COL25A1: variants seen among roughly 807,000 people sequenced by gnomAD.
COL25A1 encodes the protein collagen alpha-1(XXV) chain.
COL25A1 carries 103 observed loss-of-function variants against 128.4 expected under a neutral mutation model. The ratio of observed to expected loss-of-function variants is 0.80; its 90% CI spans 0.68 to 0.94. COL25A1 has a LOEUF of 0.94. COL25A1 is among the 40% of genes least tolerant of loss of function. The pLI is 0.00. For synonymous variants in COL25A1, 279 were observed against 277.2 expected, an observed-to-expected ratio of 1.01 and a Z score of -0.06; for missense variants, 745 against 840.0, an observed-to-expected ratio of 0.89 and a Z score of 1.40.
intron 3 of COL25A1, among the ~76,000 whole-genome samples, chr4:109,127,805 C>T (rs779230231): frequency 1.6e-4 from 24 of 152,138 alleles, no homozygotes; most frequent in Non-Finnish European, 3.1e-4. Context: ...CAGACAAGGA[C>T]GCTGCTTTGC....
rs781317660 is a variant in COL25A1 at position 108,846,195 on chromosome 4, T to C, written c.1459A>G (p.Met487Val). The change falls in exon 28 of 38, where the codon ATG (methionine) becomes GTG (valine). Residue 487 changes from methionine to valine, a missense_variant. Met to Val is a conservative substitution (Grantham distance 21). Coordinates refer to ENST00000399132, the MANE Select transcript of COL25A1 (RefSeq NM_198721.4). ...EQGLKGSKGDMGDPGMTGEKG... is the reference protein window; with the variant it reads ...EQGLKGSKGDVGDPGMTGEKG... ...TCACCTGTCATACCTGGGTCCCCCA[T>C]GTCTCCCTTTGAGCCTTTGAGTCCC... 2 of 1,612,668 alleles carry C rather than the reference T, an allele frequency of 1.2e-6. No homozygotes were observed. Among genetic ancestry groups the C allele is most frequent in the Non-Finnish European group, 1.7e-6 (2 of 1,178,802 alleles).
chr4:109,081,008 G>A (rs942838518), intron 3 of COL25A1, among the ~76,000 whole-genome samples: 4 of 152,156 alleles, frequency 2.6e-5, no homozygotes, highest in Admixed American at 2.6e-4. Context: ...AAGTTTCAGA[G>A]AATAAATAAC....
chr4:109,109,085 T>C (rs1377054245), intron 3 of COL25A1, among the ~76,000 whole-genome samples: 1 of 146,648 alleles, frequency 6.8e-6, no homozygotes, highest in Admixed American at 6.8e-5. Flanking sequence ...AATAAACTCA[T>C]CTTTTTTTCC....
At chr4:109,290,049 G>A (rs922561518) in intron 3 of COL25A1, among the ~76,000 whole-genome samples, 1 of 152,016 alleles carries the variant, frequency 6.6e-6, no homozygotes, top group African/African-American at 2.4e-5. Flanking sequence ...CATATATACA[G>A]GGGATACATG....
chr4:108,946,567 C>T (rs1748782606), intron 8 of COL25A1, among the ~76,000 whole-genome samples: 1 of 152,218 alleles, frequency 6.6e-6, no homozygotes. Context: ...TTCTGTGCAA[C>T]ATTTACTATG....
chr4:108,986,373 T>A (rs1165530062), intron 6 of COL25A1, among the ~76,000 whole-genome samples: 2 of 152,212 alleles, frequency 1.3e-5, no homozygotes, highest in African/African-American at 4.8e-5. Context: ...TACCTTGACC[T>A]CCTGATCAAC....
At position 108,812,311 on chromosome 4, in the gene COL25A1, C is replaced by T. The variant is rs1730859003; in HGVS notation, c.*1616G>A. ...AGAAATGTTAAAAAGAGAAAGAAAT[C>T]TAAATATAGACAAAACTTAAAACCA... On this transcript the variant is annotated 3_prime_UTR_variant, in exon 38 of 38. Coordinates refer to ENST00000399132, the MANE Select transcript of COL25A1 (RefSeq NM_198721.4). 7 of 152,094 alleles carry T rather than the reference C, an allele frequency of 4.6e-5. No individual in the cohort carries two copies. The South Asian group carries it at 1.5e-3, about 32-fold the overall frequency. 9.4% of individuals were successfully genotyped at this position (152,094 alleles called of 1,614,324 possible). A position where few individuals can be genotyped will look rare whatever the true frequency, so the allele number is the denominator to read the frequency against.
chr4:108,929,644 C>T (rs1746492708), intron 11 of COL25A1, among the ~76,000 whole-genome samples: 2 of 152,034 alleles, frequency 1.3e-5, no homozygotes, highest in Admixed American at 1.3e-4. Flanking sequence ...GGCAATACAG[C>T]AAGCCTCCAT....
chr4:108,884,701 A>C (rs916328936), intron 18 of COL25A1, among the ~76,000 whole-genome samples: 1 of 152,224 alleles, frequency 6.6e-6, no homozygotes, highest in Non-Finnish European at 1.5e-5. Context: ...TCACTTAAAA[A>C]GTATAGTAAG....
intron 3 of COL25A1, among the ~76,000 whole-genome samples, chr4:109,163,996 A>G (rs1048996464): frequency 1.3e-5 from 2 of 152,172 alleles, no homozygotes; most frequent in Non-Finnish European, 2.9e-5. Context: ...ATATAAATTA[A>G]CGAGTGGTAT....
At chr4:109,167,235 C>T (rs1773155355) in intron 3 of COL25A1, among the ~76,000 whole-genome samples, 1 of 152,092 alleles carries the variant, frequency 6.6e-6, no homozygotes, top group African/African-American at 2.4e-5. Flanking sequence ...ACTCATCTTT[C>T]TCTCTCAAGA....
chr4:109,274,825 T>G (rs898678773), intron 3 of COL25A1, among the ~76,000 whole-genome samples: 1 of 152,198 alleles, frequency 6.6e-6, no homozygotes, highest in Non-Finnish European at 1.5e-5. Context: ...ACAAATTGTC[T>G]AGGAATATTA....
At chr4:109,004,837 A>C (rs1272648184) in intron 6 of COL25A1, among the ~76,000 whole-genome samples, 1 of 152,224 alleles carries the variant, frequency 6.6e-6, no homozygotes, top group African/African-American at 2.4e-5. Flanking sequence ...TTCTGTTTAT[A>C]AATTACCAGT....
intron 8 of COL25A1, 36 bp downstream of exon 8, chr4:108,974,331 T>C: frequency 2.5e-6 from 4 of 1,610,766 alleles, no homozygotes; most frequent in Non-Finnish European, 3.4e-6. Flanking sequence ...AGTTAGAAAC[T>C]AATTTTCCGC....
At chr4:109,269,042 A>C in intron 3 of COL25A1, among the ~76,000 whole-genome samples, 1 of 147,436 alleles carries the variant, frequency 6.8e-6, no homozygotes, top group Non-Finnish European at 1.5e-5. Context: ...CTAACTCGTC[A>C]TCTAGCATTA....
chr4:109,086,120 T>A (rs755269122), intron 3 of COL25A1, among the ~76,000 whole-genome samples: 3 of 152,218 alleles, frequency 2.0e-5, no homozygotes. Context: ...CACATTTTTT[T>A]AGAAGAAATT....
At chr4:108,984,052 C>T (rs1235478667) in intron 6 of COL25A1, among the ~76,000 whole-genome samples, 1 of 152,142 alleles carries the variant, frequency 6.6e-6, no homozygotes, top group Non-Finnish European at 1.5e-5. Flanking sequence ...GGTGCCTTTA[C>T]AATCCCTGAG....
chr4:109,070,368 T>A (rs1181371105), intron 3 of COL25A1, among the ~76,000 whole-genome samples: 1 of 152,138 alleles, frequency 6.6e-6, no homozygotes, highest in Non-Finnish European at 1.5e-5. Flanking sequence ...TAATCTTTTT[T>A]TTTTTTACTT....
At chr4:109,157,032 G>A (rs1271296137) in intron 3 of COL25A1, among the ~76,000 whole-genome samples, 2 of 152,008 alleles carry the variant, frequency 1.3e-5, no homozygotes, top group African/African-American at 4.8e-5. Context: ...CCAAACAAGC[G>A]CACAAGACCC....
Sources: gnomAD v4.1 joint callset for allele counts (sites outside exome capture counted in the v4.1 genomes callset) on GRCh38, gnomAD v4.1.1 for gene constraint, MANE v1.5 for transcripts, NCBI Gene and HGNC (gene_info 2026-07-23, HGNC 2026-07-21) for gene names.